The following GPR151 variants were observed in gnomAD, a reference collection of about 807,000 sequenced individuals.
GPR151 encodes the protein G-protein coupled receptor PGR7.
Under a neutral mutation model 18.2 loss-of-function variants are expected in GPR151, and 16 were observed. The observed-to-expected ratio is 0.88, with a 90% CI of 0.60 to 1.34. The LOEUF is 1.34. Among genes scored for constraint, GPR151 ranks in the 40% most tolerant of loss-of-function variants. GPR151 has a pLI of 0.00. For missense variants in GPR151, 509 were observed against 504.3 expected, an observed-to-expected ratio of 1.01 and a Z score of -0.09; for synonymous variants, 202 against 191.2, an observed-to-expected ratio of 1.06 and a Z score of -0.47.
At position 146,515,330 on chromosome 5, in the gene GPR151, A is replaced by C. The variant is rs200472244; in HGVS notation, c.784T>G (p.Leu262Val). 251 of 1,614,100 alleles carry C rather than the reference A, an allele frequency of 1.6e-4. No homozygotes were observed. Among genetic ancestry groups the C allele is most frequent in the Non-Finnish European group, 2.0e-4 (240 of 1,180,040 alleles). ...LLSIAIISALLWLPEWVAWLW... is the reference protein window; with the variant it reads ...LLSIAIISALVWLPEWVAWLW... ...CAAGCTACCCATTCGGGGAGCCACA[A>C]GAGAGCAGAGATGATGGCAATGCTC... Residue 262 changes from leucine to valine, a missense_variant, in exon 1 of 1, where the codon TTG becomes GTG. Coordinates refer to ENST00000311104, the MANE Select transcript of GPR151 (RefSeq NM_194251.3).
chr5:146,513,962 A>G lies in GPR151; in HGVS notation c.*892T>C, dbSNP rs1038754266. ...TGTATTTGAGGAGTAATCTATACCTATATCATTAACCATGGTTTATCTTGG... is the reference window on the plus strand; with the variant it reads ...TGTATTTGAGGAGTAATCTATACCTGTATCATTAACCATGGTTTATCTTGG... On this transcript the variant is annotated 3_prime_UTR_variant, in exon 1 of 1. Transcript: ENST00000311104. The G allele has an allele frequency of 2.0e-5, 3 of 152,236 alleles. No individual in the cohort carries two copies. Among genetic ancestry groups the G allele is most frequent in the Non-Finnish European group, 2.9e-5 (2 of 68,042 alleles). 9.4% of individuals were successfully genotyped at this position (152,236 alleles called of 1,614,324 possible). A position where few individuals can be genotyped will look rare whatever the true frequency, so the allele number is the denominator to read the frequency against.
chr5:146,514,851 A>T lies in GPR151; in HGVS notation c.*3T>A. The stretch of plus-strand genomic sequence containing the variant: ...ACAGTTTGTTTTGCTTTGAAACTTA[A>T]ATCTATTTAACACCTTCCCCTGTCT... On this transcript the variant is annotated 3_prime_UTR_variant, in exon 1 of 1. Coordinates refer to ENST00000311104, the MANE Select transcript of GPR151 (RefSeq NM_194251.3). 6.4e-7 allele frequency: 1 copy of T among 1,557,294 alleles called. No homozygotes were observed. The highest frequency in any genetic ancestry group is 8.7e-7 in the Non-Finnish European group (1 of 1,151,952).
rs1360160510 is a variant in GPR151, at chr5:146,515,827, G to A, written c.287C>T (p.Ala96Val). The change falls in exon 1 of 1, where the codon GCT becomes GTT. Residue 96 changes from alanine (A) to valine (V), a missense_variant. By Grantham distance (64) the Ala-to-Val change is moderately conservative (BLOSUM62 0). Coordinates refer to ENST00000311104, the MANE Select transcript of GPR151 (RefSeq NM_194251.3). ...CCAAACACTTTTGGAGTACGCCGTAGCTCGGATAGGTGCAGAAAACAGCAG... is the reference window on the plus strand; with the variant it reads ...CCAAACACTTTTGGAGTACGCCGTAACTCGGATAGGTGCAGAAAACAGCAG... ...SLLLFSAPIR[A>V]TAYSKSVWDL... is the part of the protein sequence containing the mutation. 1 of 1,614,220 alleles carries A rather than the reference G, an allele frequency of 6.2e-7. No homozygotes were observed. The highest frequency in any genetic ancestry group is 8.5e-7 in the Non-Finnish European group (1 of 1,180,038).
Position 146,516,038 on chromosome 5 carries a change from C to G in GPR151, c.76G>C (p.Gly26Arg). 12 of 1,614,084 alleles carry G rather than the reference C, an allele frequency of 7.4e-6. No homozygotes were observed. The highest frequency in any genetic ancestry group is 1.0e-5 in the Non-Finnish European group (12 of 1,180,008). Residue 26 changes from glycine (G) to arginine (R), a missense_variant, in exon 1 of 1, where the codon GGG becomes CGG. Transcript: ENST00000311104. ...TCCTGGGAATCAGAGGGCAGGTACC[C>G]TCCGGCAAAGTGGAGGTGAGCAAAG... Reference protein sequence around the residue: ...VSFAHLHFAGGYLPSDSQDWR... With the variant: ...VSFAHLHFAGRYLPSDSQDWR...
rs1234014857 is a variant in GPR151 at position 146,515,961 on chromosome 5, G to A, written c.153C>T (p.Phe51=). ...TGCCAATCACACACAGGTTTCCCAC[G>A]AAGCCCACCAGGCAGACAGCCACCA... ...ALLVAVCLVG[F]VGNLCVIGIL... The change falls in exon 1 of 1, where the codon TTC becomes TTT. Residue 51 remains phenylalanine (F), a synonymous_variant. Coordinates refer to ENST00000311104, the MANE Select transcript of GPR151 (RefSeq NM_194251.3). 1 of 1,614,088 alleles carries A rather than the reference G, an allele frequency of 6.2e-7. No individual in the cohort carries two copies.
At position 146,513,804 on chromosome 5, in the gene GPR151, C is replaced by T. The variant is rs1768557865; in HGVS notation, c.*1050G>A. ...TTCTCTTTTTGATATTAATCTCTTT[C>T]TCAGGTTGCTAGATTATTTTTATAA... is the stretch of plus-strand genomic sequence containing the variant. On this transcript the variant is annotated 3_prime_UTR_variant, in exon 1 of 1. Coordinates refer to ENST00000311104, the MANE Select transcript of GPR151 (RefSeq NM_194251.3). 1 of 152,118 alleles carries T rather than the reference C, an allele frequency of 6.6e-6. No homozygotes were observed. Among genetic ancestry groups the T allele is most frequent in the Admixed American group, 6.6e-5 (1 of 15,262 alleles). The allele number at this position is 152,118 out of a possible 1,614,324, so 9.4% of individuals were successfully genotyped here. A position where few individuals can be genotyped will look rare whatever the true frequency, so the allele number is the denominator to read the frequency against.
Position 146,514,796 on chromosome 5 carries a change from T to C in GPR151, c.*58A>G. On this transcript the variant is annotated 3_prime_UTR_variant, in exon 1 of 1. Coordinates refer to ENST00000311104, the MANE Select transcript of GPR151 (RefSeq NM_194251.3). ...CAGTTTGTAAAGTCAGCAATATTGATAAGCAGCAGTACAAGTAAATACAAT... is the reference window on the plus strand; with the variant it reads ...CAGTTTGTAAAGTCAGCAATATTGACAAGCAGCAGTACAAGTAAATACAAT... 9.1e-7 allele frequency: 1 copy of C among 1,097,842 alleles called. No individual in the cohort carries two copies. Among genetic ancestry groups the C allele is most frequent in the East Asian group, 2.5e-5 (1 of 40,442 alleles). The allele number at this position is 1,097,842 out of a possible 1,614,324, so 68.0% of individuals were successfully genotyped here.
rs1469861647 is a variant in GPR151 at position 146,513,355 on chromosome 5, G to A, written c.*1499C>T. ...TAATGAAGGATGTAAAAAGAATACA[G>A]CCCTACCTCCTGTGTTAAAAAGCAA... On this transcript the variant is annotated 3_prime_UTR_variant, in exon 1 of 1. Transcript: ENST00000311104. The A allele has an allele frequency of 6.6e-6, 1 of 152,098 alleles. No individual in the cohort carries two copies. Among genetic ancestry groups the A allele is most frequent in the Non-Finnish European group, 1.5e-5 (1 of 68,014 alleles). 9.4% of individuals were successfully genotyped at this position (152,098 alleles called of 1,614,324 possible). A position where few individuals can be genotyped will look rare whatever the true frequency, so the allele number is the denominator to read the frequency against.
Position 146,515,922 on chromosome 5 carries a change from A to G in GPR151, c.192T>C (p.Asn64=), listed in dbSNP as rs761032282. 4.6e-5 allele frequency: 75 copies of G among 1,614,022 alleles called. No individual in the cohort carries two copies. In the South Asian group the frequency reaches 4.7e-4, roughly 10 times the overall value. ...TCATGGATGGCTTTCCTTTCCAAGC[A>G]TTGTGAAGGAGGATGCCAATCACAC... ...NLCVIGILLH[N]AWKGKPSMIH... is the part of the protein sequence containing the mutation. The change falls in exon 1 of 1, where the codon AAT becomes AAC. Residue 64 remains asparagine, a synonymous_variant. Transcript: ENST00000311104.
chr5:146,515,480 C>T lies in GPR151; in HGVS notation c.634G>A (p.Gly212Ser), dbSNP rs1768595438. Residue 212 changes from glycine (G) to serine (S), a missense_variant, in exon 1 of 1, where the codon GGC becomes AGC. Coordinates refer to ENST00000311104, the MANE Select transcript of GPR151 (RefSeq NM_194251.3). ...AAGCTGGCAAAAAATAATGGAAGGCCAAATGCCAGGAGTGGGTAGAGCTTA... is the reference window on the plus strand; with the variant it reads ...AAGCTGGCAAAAAATAATGGAAGGCTAAATGCCAGGAGTGGGTAGAGCTTA... ...FGKLYPLLAF[G>S]LPLFFASFYF... 2 of 1,613,982 alleles carry T rather than the reference C, an allele frequency of 1.2e-6. No individual in the cohort carries two copies. Among genetic ancestry groups the T allele is most frequent in the Non-Finnish European group, 1.7e-6 (2 of 1,180,000 alleles).
Position 146,515,612 on chromosome 5 carries a change from A to G in GPR151, c.502T>C (p.Leu168=). 1 of 1,614,206 alleles carries G rather than the reference A, an allele frequency of 6.2e-7. No homozygotes were observed. The stretch of plus-strand genomic sequence containing the variant: ...CTAAAGAACCATTCCGGCAGGGGTA[A>G]CAGGCTAGCCACAGTCCAGATGGCC... ...LVAIWTVASL[L]PLPEWFFSTI... is the part of the protein sequence containing the mutation. Residue 168 remains leucine (L), a synonymous_variant, in exon 1 of 1, where the codon TTA becomes CTA. Transcript: ENST00000311104.
chr5:146,515,217 A>G lies in GPR151; in HGVS notation c.897T>C (p.Ser299=). ...ALSQVLMFSI[S]SANPLIFLVM... is the part of the protein sequence containing the mutation. The stretch of plus-strand genomic sequence containing the variant: ...CAAGAAAAATGAGAGGATTTGCTGA[A>G]GAGATGGAAAACATCAAGACTTGAG... Residue 299 remains serine, a synonymous_variant, in exon 1 of 1, where the codon TCT becomes TCC. Coordinates refer to ENST00000311104, the MANE Select transcript of GPR151 (RefSeq NM_194251.3). 1 of 1,614,188 alleles carries G rather than the reference A, an allele frequency of 6.2e-7. No individual in the cohort carries two copies. Among genetic ancestry groups the G allele is most frequent in the Non-Finnish European group, 8.5e-7 (1 of 1,180,026 alleles).
Position 146,515,907 on chromosome 5 carries a change from C to CA in GPR151, c.206_207insT (p.Lys69AsnfsTer16). 2 of 1,614,124 alleles carry CA rather than the reference C, an allele frequency of 1.2e-6. No homozygotes were observed. The highest frequency in any genetic ancestry group is 2.2e-5 in the South Asian group (2 of 91,082). On this transcript the variant is annotated frameshift_variant, in exon 1 of 1. Transcript: ENST00000311104. LOFTEE classifies it high-confidence loss of function. ...GAATCAGGGAGTGGATCATGGATGG[C>CA]TTTCCTTTCCAAGCATTGTGAAGGA...
In GPR151 at chr5:146,515,663, T is replaced by C; in HGVS notation, c.451A>G (p.Asn151Asp). Reference protein sequence around the residue: ...SDPAKQVSIHNYTIWSVLVAI... With the variant: ...SDPAKQVSIHDYTIWSVLVAI... ...ACCAGCACTGACCAGATGGTGTAGT[T>C]GTGGATACTCACTTGCTTGGCTGGG... is the stretch of plus-strand genomic sequence containing the variant. The change falls in exon 1 of 1, where the codon AAC becomes GAC. Residue 151 changes from asparagine to aspartate, a missense_variant. Coordinates refer to ENST00000311104, the MANE Select transcript of GPR151 (RefSeq NM_194251.3). 6.2e-7 allele frequency: 1 copy of C among 1,614,132 alleles called. No homozygotes were observed. The highest frequency in any genetic ancestry group is 8.5e-7 in the Non-Finnish European group (1 of 1,180,022).
chr5:146,515,214 T>C lies in GPR151; in HGVS notation c.900A>G (p.Ser300=). Residue 300 remains serine (S), a synonymous_variant, in exon 1 of 1, where the codon TCA becomes TCG. Coordinates refer to ENST00000311104, the MANE Select transcript of GPR151 (RefSeq NM_194251.3). Reference sequence around the variant, plus strand: ...TCACAAGAAAAATGAGAGGATTTGCTGAAGAGATGGAAAACATCAAGACTT... The same window carrying C: ...TCACAAGAAAAATGAGAGGATTTGCCGAAGAGATGGAAAACATCAAGACTT... ...LSQVLMFSIS[S]ANPLIFLVMS... The C allele has an allele frequency of 6.2e-7, 1 of 1,614,102 alleles. No individual in the cohort carries two copies. The highest frequency in any genetic ancestry group is 1.7e-5 in the Admixed American group (1 of 60,002).
chr5:146,514,091 A>G lies in GPR151; in HGVS notation c.*763T>C, dbSNP rs191346517. 24 of 152,334 alleles carry G rather than the reference A, an allele frequency of 1.6e-4. No individual in the cohort carries two copies. The highest frequency in any genetic ancestry group is 5.8e-4 in the African/African-American group (24 of 41,584). The allele number at this position is 152,334 out of a possible 1,614,324, so 9.4% of individuals were successfully genotyped here. ...CATTTTTTTAAGTATTTTTTCCCCC[A>G]TATCAGACTACTGAATGTCATTGGA... is the stretch of plus-strand genomic sequence containing the variant. On this transcript the variant is annotated 3_prime_UTR_variant, in exon 1 of 1. Coordinates refer to ENST00000311104, the MANE Select transcript of GPR151 (RefSeq NM_194251.3).
rs773665041 is a variant in GPR151 at position 146,516,138 on chromosome 5, G to A, written c.-25C>T. ...TCACTCTTCACAGCTTCTTACAGAA[G>A]TTAGATTCTTATTTAGGTTTGTCTT... is the stretch of plus-strand genomic sequence containing the variant. On this transcript the variant is annotated 5_prime_UTR_variant, in exon 1 of 1. Transcript: ENST00000311104. The A allele has an allele frequency of 1.9e-6, 3 of 1,576,214 alleles. No individual in the cohort carries two copies. Among genetic ancestry groups the A allele is most frequent in the Non-Finnish European group, 1.7e-6 (2 of 1,163,372 alleles).
Position 146,515,158 on chromosome 5 carries a change from C to G in GPR151, c.956G>C (p.Gly319Ala), listed in dbSNP as rs1171342594. ...TTTGGTTATCATCCATTTCCATACA[C>G]CTTTCAAGCCTTCCCTGAACTCTTC... is the stretch of plus-strand genomic sequence containing the variant. ...MSEEFREGLK[G>A]VWKWMITKKP... is the part of the protein sequence containing the mutation. The change falls in exon 1 of 1, where the codon GGT (glycine) becomes GCT (alanine). Residue 319 changes from glycine (G) to alanine (A), a missense_variant. Gly to Ala is a moderately conservative substitution (Grantham distance 60). Coordinates refer to ENST00000311104, the MANE Select transcript of GPR151 (RefSeq NM_194251.3). The G allele has an allele frequency of 6.2e-7, 1 of 1,613,982 alleles. No individual in the cohort carries two copies. Among genetic ancestry groups the G allele is most frequent in the Admixed American group, 1.7e-5 (1 of 59,988 alleles).
Position 146,515,901 on chromosome 5 carries a change from G to A in GPR151, c.213C>T (p.Ser71=). 6.2e-7 allele frequency: 1 copy of A among 1,614,174 alleles called. No individual in the cohort carries two copies. Among genetic ancestry groups the A allele is most frequent in the Non-Finnish European group, 8.5e-7 (1 of 1,180,022 alleles). Residue 71 remains serine (S), a synonymous_variant, in exon 1 of 1, where the codon TCC becomes TCT. Coordinates refer to ENST00000311104, the MANE Select transcript of GPR151 (RefSeq NM_194251.3). ...GATTCAGAATCAGGGAGTGGATCAT[G>A]GATGGCTTTCCTTTCCAAGCATTGT... ...LLHNAWKGKP[S]MIHSLILNLS...
Sources: gnomAD v4.1 joint callset for allele counts on GRCh38, gnomAD v4.1.1 for gene constraint, MANE v1.5 for transcripts, NCBI Gene and HGNC (gene_info 2026-07-23, HGNC 2026-07-21) for gene names.